The following ABCA4 variants were observed in gnomAD, a reference collection of about 807,000 sequenced individuals.
ABCA4 encodes the protein retinal-specific phospholipid-transporting ATPase ABCA4.
ABCA4 carries 196 observed loss-of-function variants against 263.7 expected under a neutral mutation model. That is an observed-to-expected ratio of 0.74 (90% CI 0.66 to 0.84). ABCA4 has a LOEUF of 0.84. Ranked by LOEUF, ABCA4 falls within the 40% of genes least tolerant of loss-of-function variation. ABCA4 has a pLI of 0.00. For synonymous variants in ABCA4, 1,133 were observed against 1,094.2 expected (o/e 1.04, Z -0.70); for missense variants, 2,792 against 2,855.1 (o/e 0.98, Z 0.50).
intron 49 of ABCA4, among the ~76,000 whole-genome samples, chr1:93,995,846 A>G (rs1164291087): frequency 2.0e-5 from 3 of 152,242 alleles, no homozygotes; most frequent in African/African-American, 4.8e-5. Flanking sequence ...ATGCTCTCCC[A>G]TGCTATCCAG....
chr1:94,099,953 G>A (rs904903838), intron 5 of ABCA4, among the ~76,000 whole-genome samples: 3 of 152,126 alleles, frequency 2.0e-5, no homozygotes, highest in South Asian at 2.1e-4. Flanking sequence ...GGGACCTGTG[G>A]CCACCCAGCA....
Position 94,002,463 on chromosome 1 carries a change from G to A in ABCA4, c.6148-471C>T, listed in dbSNP as rs1472259332. Among the ~76,000 whole-genome samples, 2 of 152,236 alleles carry A rather than the reference G, an allele frequency of 1.3e-5. No homozygotes were observed. Among genetic ancestry groups the A allele is most frequent in the Non-Finnish European group, 2.9e-5 (2 of 68,042 alleles). ...ACTGAACCAGGCACTGGAGAACAAT[G>A]TGAACACAGCCATTGCTGCTATCCT... is the stretch of plus-strand genomic sequence containing the variant. On this transcript the variant is annotated intron_variant, in intron 44 of 49. Transcript: ENST00000370225.
chr1:94,046,397 G>A (rs1660678066), intron 19 of ABCA4, among the ~76,000 whole-genome samples: 1 of 135,842 alleles, frequency 7.4e-6, no homozygotes, highest in South Asian at 2.3e-4. Flanking sequence ...GGGAGGCGGA[G>A]GTTGCAGTGA....
At chr1:94,046,531 A>G (rs1660687968) in intron 19 of ABCA4, among the ~76,000 whole-genome samples, 1 of 151,700 alleles carries the variant, frequency 6.6e-6, no homozygotes, top group African/African-American at 2.4e-5. Flanking sequence ...GCACATGATG[A>G]CAGTGGCCAT....
At chr1:93,997,020 G>A (rs1490556999) in intron 48 of ABCA4, among the ~76,000 whole-genome samples, 3 of 152,162 alleles carry the variant, frequency 2.0e-5, no homozygotes, top group African/African-American at 7.2e-5. Context: ...TGTTTAATGG[G>A]CACAGATTTT....
chr1:94,117,287 G>C (rs1662817323), intron 1 of ABCA4, among the ~76,000 whole-genome samples: 1 of 152,046 alleles, frequency 6.6e-6, no homozygotes, highest in African/African-American at 2.4e-5. Flanking sequence ...TGAGAACCAG[G>C]ACAGAATTCT....
intron 18 of ABCA4, 52 bp downstream of exon 18, chr1:94,048,816 T>G: frequency 1.9e-6 from 3 of 1,574,388 alleles, no homozygotes; most frequent in Non-Finnish European, 2.6e-6. Context: ...CCCTCTGCAG[T>G]GCTTAGAGCC....
Position 94,083,326 on chromosome 1 carries a change from A to T in ABCA4, c.858+26T>A, listed in dbSNP as rs752737697. The T allele has an allele frequency of 5.9e-6, 9 of 1,525,346 alleles. No homozygotes were observed. The South Asian group carries it at 9.0e-5, about 15-fold the overall frequency. The allele number at this position is 1,525,346 out of a possible 1,614,324, so 94.5% of individuals were successfully genotyped here. A position where few individuals can be genotyped will look rare whatever the true frequency, so the allele number is the denominator to read the frequency against. ...AATGGTGGAAAGACATAATGAAATTATAATTACTACCATCAGGCTACTCAC... is the reference window on the plus strand; with the variant it reads ...AATGGTGGAAAGACATAATGAAATTTTAATTACTACCATCAGGCTACTCAC... On this transcript the variant is annotated intron_variant, in intron 7 of 49. Coordinates refer to ENST00000370225, the MANE Select transcript of ABCA4 (RefSeq NM_000350.3).
At chr1:94,020,959 T>C (rs931446600) in intron 35 of ABCA4, among the ~76,000 whole-genome samples, 7 of 152,216 alleles carry the variant, frequency 4.6e-5, no homozygotes, top group Non-Finnish European at 8.8e-5. Context: ...GCAAAGATAA[T>C]AATTGTATAA....
At chr1:94,079,993 CA>C (rs4147885) in intron 8 of ABCA4, among the ~76,000 whole-genome samples, 96,273 of 148,360 alleles carry the variant, frequency 0.65, 31,485 homozygotes, top group East Asian at 0.73. Context: ...CATAGAAGAC[CA>C]AAAAAAAAAA....
intron 23 of ABCA4, among the ~76,000 whole-genome samples, chr1:94,040,658 T>C (rs1187910944): frequency 6.6e-6 from 1 of 151,892 alleles, no homozygotes. Context: ...AAGAAAAAAA[T>C]ACTAAAAAAA....
chr1:93,996,932 T>C (rs1184882154), intron 48 of ABCA4, among the ~76,000 whole-genome samples: 2 of 152,170 alleles, frequency 1.3e-5, no homozygotes, highest in Non-Finnish European at 2.9e-5. Flanking sequence ...ATGAGGTATC[T>C]ATAGTAGTCA....
At chr1:94,048,004 G>C (rs1428519379) in intron 18 of ABCA4, among the ~76,000 whole-genome samples, 1 of 152,236 alleles carries the variant, frequency 6.6e-6, no homozygotes. Flanking sequence ...TGCAACTGAG[G>C]TGGAACCAGT....
intron 20 of ABCA4, among the ~76,000 whole-genome samples, chr1:94,044,101 CCT>C: frequency 8.0e-5 from 1 of 12,448 alleles, no homozygotes; most frequent in Admixed American, 2.5e-3. Flanking sequence ...TTCTTTCCTT[CCT>C]TCCTTCCTTC....
intron 38 of ABCA4, among the ~76,000 whole-genome samples, chr1:94,014,018 A>ATG (rs777526268): frequency 4.5e-4 from 69 of 152,146 alleles, no homozygotes; most frequent in South Asian, 2.7e-3. Flanking sequence ...AAATGTATTG[A>ATG]TGTGTGTGTG....
chr1:94,040,184 TC>T, intron 23 of ABCA4, 57 bp from the exon 24 acceptor site: 2 of 1,397,848 alleles, frequency 1.4e-6, no homozygotes. Flanking sequence ...TGACAGCCTC[TC>T]CCTGATGCCA....
At chr1:94,082,213 T>G (rs1341072337) in intron 7 of ABCA4, among the ~76,000 whole-genome samples, 1 of 152,242 alleles carries the variant, frequency 6.6e-6, no homozygotes, top group African/African-American at 2.4e-5. Context: ...ATTATTATGT[T>G]GCTCATTTAG....
intron 44 of ABCA4, among the ~76,000 whole-genome samples, chr1:94,002,696 T>G (rs1329307946): frequency 1.3e-5 from 2 of 152,160 alleles, no homozygotes; most frequent in Admixed American, 6.5e-5. Flanking sequence ...TGCACGTGGC[T>G]CCTTCTCTCA....
chr1:94,117,555 A>G (rs958817497), intron 1 of ABCA4, among the ~76,000 whole-genome samples: 5 of 151,660 alleles, frequency 3.3e-5, no homozygotes, highest in Non-Finnish European at 4.4e-5. Context: ...ATCTTCATAA[A>G]CCCTCCCTGA....
Sources: allele counts gnomAD v4.1 joint callset (sites outside exome capture counted in the v4.1 genomes callset), GRCh38; gene constraint gnomAD v4.1.1; transcripts MANE v1.5; gene names NCBI Gene and HGNC (gene_info 2026-07-23, HGNC 2026-07-21).